The following ADCY5 variants were observed in gnomAD, a reference collection of about 807,000 sequenced individuals.
ADCY5 encodes adenylate cyclase type 5.
A neutral mutation model predicts 119.7 loss-of-function variants in ADCY5; 30 were observed. That is an observed-to-expected ratio of 0.25 (90% confidence interval 0.19 to 0.34). The LOEUF (loss-of-function observed/expected upper bound fraction) is 0.34. ADCY5 is among the 10% of genes least tolerant of loss of function. The probability of loss-of-function intolerance (pLI) is 1.00; values close to 1 mark genes in which losing one functional copy is unlikely to be tolerated. For synonymous variants in ADCY5, 753 were observed against 762.2 expected (o/e 0.99, Z 0.20); for missense variants, 1,324 against 1,775.2 (o/e 0.75, Z 4.57).
At chr3:123,299,307 T>C (rs1344564438) in intron 15 of ADCY5, among the ~76,000 whole-genome samples, 2 of 152,244 alleles carry the variant, frequency 1.3e-5, no homozygotes, top group Non-Finnish European at 2.9e-5. Flanking sequence ...TGTGTCTTCC[T>C]GGCCGATCCT....
chr3:123,408,839 G>A (rs1035114622), intron 1 of ADCY5, among the ~76,000 whole-genome samples: 1 of 151,634 alleles, frequency 6.6e-6, no homozygotes, highest in Non-Finnish European at 1.5e-5. Flanking sequence ...AGCCAGGTGT[G>A]GTGGCAGGTG....
chr3:123,413,512 T>C (rs1945109378), intron 1 of ADCY5, among the ~76,000 whole-genome samples: 3 of 152,272 alleles, frequency 2.0e-5, no homozygotes, highest in Admixed American at 6.5e-5. Context: ...GAAGCCTGTG[T>C]TGAGAGGCCA....
intron 3 of ADCY5, among the ~76,000 whole-genome samples, chr3:123,337,634 T>C (rs1314032717): frequency 6.6e-6 from 1 of 152,248 alleles, no homozygotes; most frequent in African/African-American, 2.4e-5. Context: ...TGTGTGTCTG[T>C]GCTTTCACAA....
At chr3:123,373,323 G>A (rs939961160) in intron 1 of ADCY5, among the ~76,000 whole-genome samples, 6 of 152,214 alleles carry the variant, frequency 3.9e-5, no homozygotes, top group Non-Finnish European at 7.3e-5. Context: ...ATCATCTAGC[G>A]CATTTAGAAG....
At position 123,300,299 on chromosome 3, in the gene ADCY5, C is replaced by T. The variant is rs372384638; in HGVS notation, c.2725-4G>A. 21 of 1,612,676 alleles carry T rather than the reference C, an allele frequency of 1.3e-5. No homozygotes were observed. The Admixed American group carries it at 1.3e-4, about 10-fold the overall frequency. On this transcript the variant is annotated splice_region_variant and splice_polypyrimidine_tract_variant and intron_variant, in intron 14 of 20. Coordinates refer to ENST00000462833, the MANE Select transcript of ADCY5 (RefSeq NM_183357.3). The stretch of plus-strand genomic sequence containing the variant: ...GCAGCACGCTGTAGGTGAAGTACTG[C>T]GGGCAGAGGGCAGCAGCATCAGCTC...
At position 123,447,697 on chromosome 3, in the gene ADCY5, G is replaced by T; in HGVS notation, c.849C>A (p.Ile283=). The change falls in exon 1 of 21, where the codon ATC becomes ATA. Residue 283 remains isoleucine (I), a synonymous_variant. Transcript: ENST00000462833. The part of the protein sequence containing the change: ...VLAAAVGVIL[I]MAVLCNRAAF... ...CGGCGCGGTTGCAAAGCACAGCCAT[G>T]ATGAGGATCACGCCGACGGCGGCCG... 2 of 1,604,398 alleles carry T rather than the reference G, an allele frequency of 1.2e-6. No homozygotes were observed.
intron 1 of ADCY5, among the ~76,000 whole-genome samples, chr3:123,436,495 C>G (rs1024766219): frequency 6.6e-6 from 1 of 152,152 alleles, no homozygotes; most frequent in African/African-American, 2.4e-5. Context: ...GACCTGAGGT[C>G]AGGAGTTCGA....
At chr3:123,396,477 AAG>A (rs1188525272) in intron 1 of ADCY5, among the ~76,000 whole-genome samples, 6 of 142,492 alleles carry the variant, frequency 4.2e-5, no homozygotes, top group African/African-American at 1.3e-4. Context: ...GAAAGAAAGA[AAG>A]AGAGAGAGGG....
At chr3:123,354,282 T>G (rs1313574826) in intron 1 of ADCY5, among the ~76,000 whole-genome samples, 1 of 152,218 alleles carries the variant, frequency 6.6e-6, no homozygotes, top group Non-Finnish European at 1.5e-5. Context: ...GCCCACGGCT[T>G]CTGGAAGATT....
intron 17 of ADCY5, among the ~76,000 whole-genome samples, chr3:123,295,878 C>T (rs1387374940): frequency 6.6e-6 from 1 of 152,214 alleles, no homozygotes; most frequent in Non-Finnish European, 1.5e-5. Flanking sequence ...AGAGTAAGTC[C>T]CAGGGTTTTG....
intron 14 of ADCY5, among the ~76,000 whole-genome samples, chr3:123,302,776 G>A (rs1388677336): frequency 1.3e-5 from 2 of 152,196 alleles, no homozygotes; most frequent in Non-Finnish European, 2.9e-5. Flanking sequence ...AGGATTTAAT[G>A]AGTAAGTGCA....
intron 3 of ADCY5, 96 bp from the exon 4 acceptor site, chr3:123,332,771 T>C (rs1024683254): frequency 5.8e-6 from 5 of 857,682 alleles, no homozygotes; most frequent in Non-Finnish European, 9.4e-6. Context: ...TTCTTTTTTT[T>C]TAAGAAGAGG....
chr3:123,355,791 T>G (rs1305462358), intron 1 of ADCY5, among the ~76,000 whole-genome samples: 1 of 152,162 alleles, frequency 6.6e-6, no homozygotes, highest in Non-Finnish European at 1.5e-5. Flanking sequence ...CTGATGTCAA[T>G]TTTCCCCAAA....
chr3:123,332,062 A>G (rs1941790747), intron 4 of ADCY5, among the ~76,000 whole-genome samples: 1 of 152,110 alleles, frequency 6.6e-6, no homozygotes, highest in Non-Finnish European at 1.5e-5. Flanking sequence ...CCGGCCATGG[A>G]GTGTTACTTC....
chr3:123,443,968 G>A (rs1945768640), intron 1 of ADCY5, among the ~76,000 whole-genome samples: 1 of 152,144 alleles, frequency 6.6e-6, no homozygotes, highest in Admixed American at 6.5e-5. Flanking sequence ...ACCCCACAGG[G>A]CACAACGATA....
intron 1 of ADCY5, among the ~76,000 whole-genome samples, chr3:123,413,218 G>C (rs1448143633): frequency 6.6e-6 from 1 of 152,214 alleles, no homozygotes; most frequent in African/African-American, 2.4e-5. Flanking sequence ...CTTAAGCAGT[G>C]ACCTTTCGGA....
At chr3:123,336,280 A>T (rs1344273999) in intron 3 of ADCY5, among the ~76,000 whole-genome samples, 1 of 152,150 alleles carries the variant, frequency 6.6e-6, no homozygotes. Flanking sequence ...GGTCTCTCCC[A>T]CAGTTTGTGA....
intron 3 of ADCY5, among the ~76,000 whole-genome samples, chr3:123,336,959 T>G (rs1942057336): frequency 6.6e-6 from 1 of 152,154 alleles, no homozygotes; most frequent in South Asian, 2.1e-4. Flanking sequence ...TCGTCTGGGG[T>G]GGGCTCTGCT....
intron 2 of ADCY5, among the ~76,000 whole-genome samples, chr3:123,350,050 A>T (rs1207619640): frequency 6.6e-6 from 1 of 152,252 alleles, no homozygotes; most frequent in East Asian, 1.9e-4. Flanking sequence ...CTCCAGATAG[A>T]GCAGAACACA....
Sources: allele counts gnomAD v4.1 joint callset (sites outside exome capture counted in the v4.1 genomes callset), GRCh38; gene constraint gnomAD v4.1.1; transcripts MANE v1.5; gene names NCBI Gene and HGNC (gene_info 2026-07-23, HGNC 2026-07-21).